The following ZNF814 variants were observed in gnomAD, a reference collection of about 807,000 sequenced individuals.
ZNF814 encodes zinc finger protein 814.
Under a neutral mutation model 7.5 loss-of-function variants are expected in ZNF814, and 5 were observed. The ratio of observed to expected loss-of-function variants is 0.67; its 90% confidence interval spans 0.35 to 1.40. The LOEUF (loss-of-function observed/expected upper bound fraction) is 1.40. ZNF814 is among the 40% of genes most tolerant of loss of function. The pLI is 0.04. For synonymous variants in ZNF814, 315 were observed against 340.7 expected (o/e 0.92, Z 0.83); for missense variants, 962 against 1,018.0 (o/e 0.94, Z 0.75).
At position 57,873,199 on chromosome 19, in the gene ZNF814, G is replaced by A; in HGVS notation, c.2191C>T (p.Leu731Phe). The A allele has an allele frequency of 6.2e-7, 1 of 1,612,852 alleles. No individual in the cohort carries two copies. ...CQKFFRNKYQ[L>F]IAHQRVHTGE... is the part of the protein sequence containing the mutation. Reference sequence around the variant, plus strand: ...GTGTGAACTCTCTGATGTGCAATGAGTTGGTACTTGTTTCTAAAAAATTTC... The same window carrying A: ...GTGTGAACTCTCTGATGTGCAATGAATTGGTACTTGTTTCTAAAAAATTTC... Residue 731 changes from leucine to phenylalanine, a missense_variant, in exon 3 of 3, where the codon CTC becomes TTC. Physicochemically the swap from Leu to Phe is conservative, Grantham distance 22 (BLOSUM62 0). Transcript: ENST00000435989.
chr19:57,896,006 C>T, the ZNF814 span, among the ~76,000 whole-genome samples: 242 of 152,222 alleles, frequency 1.6e-3, 1 homozygote, highest in Admixed American at 3.9e-3. The surrounding 1 kb of genome is among the most constrained non-coding windows in gnomAD (Gnocchi z 4.2). Context: ...TCAGGAATAA[C>T]GCTCAAAATT....
intron 1 of ZNF814, among the ~76,000 whole-genome samples, chr19:57,880,809 G>A (rs965797890): frequency 2.7e-5 from 4 of 147,794 alleles, no homozygotes; most frequent in Admixed American, 6.7e-5. Context: ...GTAGAGACAC[G>A]GTTTTGCCAT....
At position 57,888,785 on chromosome 19, in the gene ZNF814, C is replaced by G. The variant is rs747142038; in HGVS notation, c.18G>C (p.Thr6=). The stretch of plus-strand genomic sequence containing the variant: ...CAATTACCTGAGCGGAGAGCCTCAG[C>G]GTAGCCGCGGCAGCCATCGAACCAC... MAAAA[T]LRLSAQGTVT... is the part of the protein sequence containing the mutation. Residue 6 remains threonine, a synonymous_variant, in exon 1 of 3, where the codon ACG becomes ACC. Transcript: ENST00000435989. The G allele has an allele frequency of 2.4e-5, 38 of 1,552,130 alleles. No homozygotes were observed. Among genetic ancestry groups the G allele is most frequent in the Non-Finnish European group, 3.3e-5 (38 of 1,147,358 alleles).
At chr19:57,894,545 G>C in the ZNF814 span, among the ~76,000 whole-genome samples, 1 of 151,688 alleles carries the variant, frequency 6.6e-6, no homozygotes, top group Non-Finnish European at 1.5e-5. Flanking sequence ...AAAAAGCATA[G>C]CCGGCTGGGT....
chr19:57,884,324 G>A (rs1401946314), intron 1 of ZNF814, among the ~76,000 whole-genome samples: 2 of 152,152 alleles, frequency 1.3e-5, no homozygotes, highest in East Asian at 1.9e-4. Context: ...CTCAAAAGAA[G>A]ACATACAGTC....
rs1600134057 is a variant in ZNF814, at chr19:57,872,375, T to C, written c.*447A>G. 1 of 206,494 alleles carries C rather than the reference T, an allele frequency of 4.8e-6. No homozygotes were observed. The highest frequency in any genetic ancestry group is 1.2e-4 in the East Asian group (1 of 8,548). 12.8% of individuals were successfully genotyped at this position (206,494 alleles called of 1,614,324 possible). Reference sequence around the variant, plus strand: ...GCAGTGGGAAGTCTCCTGTGTGTTATGAAGCTAGATTTCTACATAAATATC... The same window carrying C: ...GCAGTGGGAAGTCTCCTGTGTGTTACGAAGCTAGATTTCTACATAAATATC... On this transcript the variant is annotated 3_prime_UTR_variant, in exon 3 of 3. Transcript: ENST00000435989.
the ZNF814 span, among the ~76,000 whole-genome samples, chr19:57,894,112 T>G: frequency 2.8e-5 from 4 of 143,554 alleles, no homozygotes; most frequent in African/African-American, 7.9e-5. Context: ...GTGCAGTGGC[T>G]CATGCCTGTA....
Position 57,869,421 on chromosome 19 carries a change from T to A in ZNF814, c.*3401A>T, listed in dbSNP as rs955927382. On this transcript the variant is annotated 3_prime_UTR_variant, in exon 3 of 3. Coordinates refer to ENST00000435989, the MANE Select transcript of ZNF814 (RefSeq NM_001144989.2). The stretch of plus-strand genomic sequence containing the variant: ...CTTTATTACATCACTCATCTAACAT[T>A]CCAGAAAATGGAAAGTACTCTACTG... The A allele has an allele frequency of 6.6e-6, 1 of 151,796 alleles. No homozygotes were observed. Among genetic ancestry groups the A allele is most frequent in the South Asian group, 2.1e-4 (1 of 4,814 alleles). 9.4% of individuals were successfully genotyped at this position (151,796 alleles called of 1,614,324 possible).
the ZNF814 span, among the ~76,000 whole-genome samples, chr19:57,899,313 G>A: frequency 2.6e-5 from 4 of 152,170 alleles, no homozygotes; most frequent in Non-Finnish European, 5.9e-5. Flanking sequence ...GATATTTTAT[G>A]TGCAGCTGAC....
intron 2 of ZNF814, chr19:57,876,590 A>G (rs1270564180): frequency 4.7e-6 from 2 of 423,114 alleles, no homozygotes; most frequent in Admixed American, 7.9e-5. Context: ...GGCATAAGAA[A>G]ATAGCAGCTA....
At position 57,873,728 on chromosome 19, in the gene ZNF814, CCCACACTCT is replaced by C. The variant is rs759865549; in HGVS notation, c.1653_1661del (p.Glu552_Gly554del). The C allele has an allele frequency of 1.9e-6, 3 of 1,613,346 alleles. No individual in the cohort carries two copies. Among genetic ancestry groups the C allele is most frequent in the African/African-American group, 1.3e-5 (1 of 74,958 alleles). On this transcript the variant is annotated inframe_deletion, in exon 3 of 3. Coordinates refer to ENST00000435989, the MANE Select transcript of ZNF814 (RefSeq NM_001144989.2). ...GGGTGCCTTTATGACTAAAAGATTT[CCCACACTCT>C]CCACACTCATAAAGTCTGTCCCCAG...
intron 1 of ZNF814, among the ~76,000 whole-genome samples, 193 bp from the exon 2 acceptor site, chr19:57,877,235 C>G (rs928926137): frequency 1.3e-5 from 2 of 152,052 alleles, no homozygotes; most frequent in African/African-American, 4.8e-5. Flanking sequence ...GTGGTTGTGA[C>G]GTAAGAGTCC....
the ZNF814 span, among the ~76,000 whole-genome samples, chr19:57,901,033 A>G: frequency 6.7e-6 from 1 of 149,738 alleles, no homozygotes; most frequent in Non-Finnish European, 1.5e-5. Flanking sequence ...TATTTTTAGT[A>G]GAGACGGGGT....
the ZNF814 span, among the ~76,000 whole-genome samples, chr19:57,904,773 G>A: frequency 2.0e-5 from 3 of 152,266 alleles, no homozygotes; most frequent in East Asian, 3.9e-4. Flanking sequence ...AGGCATCGCC[G>A]GGAGTGGTGG....
At chr19:57,903,462 G>A in the ZNF814 span, among the ~76,000 whole-genome samples, 2 of 152,136 alleles carry the variant, frequency 1.3e-5, no homozygotes, top group Non-Finnish European at 2.9e-5. Context: ...CAATGTGACT[G>A]GAATACATCC....
In ZNF814 at chr19:57,883,631, A is replaced by G. The variant is rs2071666462; in HGVS notation, c.36+5136T>C. Among the ~76,000 whole-genome samples, 3 of 149,848 alleles carry G rather than the reference A, an allele frequency of 2.0e-5. No individual in the cohort carries two copies. The South Asian group carries it at 6.4e-4, about 32-fold the overall frequency. ...AGCTGAGATCGCACCACTGCACTGC[A>G]GCCTGGGTGACAGAGAGAGACCCTG... On this transcript the variant is annotated intron_variant, in intron 1 of 2. Coordinates refer to ENST00000435989, the MANE Select transcript of ZNF814 (RefSeq NM_001144989.2).
intron 1 of ZNF814, among the ~76,000 whole-genome samples, chr19:57,884,907 T>C (rs150471945): frequency 3.9e-5 from 6 of 152,256 alleles, no homozygotes; most frequent in African/African-American, 1.2e-4. Flanking sequence ...CACTGCTGGG[T>C]ATAAACCAAA....
chr19:57,896,173 C>CAAAA, the ZNF814 span, among the ~76,000 whole-genome samples: 9 of 69,262 alleles, frequency 1.3e-4, no homozygotes, highest in African/African-American at 2.9e-4. The surrounding 1 kb of genome is among the most constrained non-coding windows in gnomAD (Gnocchi z 4.2). Flanking sequence ...GACTCCATCT[C>CAAAA]AAAAAAAAAA....
At chr19:57,875,648 G>T (rs1020030277) in intron 2 of ZNF814, among the ~76,000 whole-genome samples, 7 of 152,200 alleles carry the variant, frequency 4.6e-5, no homozygotes, top group African/African-American at 1.7e-4. Context: ...GCCAACACTG[G>T]AGAGAACACT....
Sources: gnomAD v4.1 joint callset for allele counts (sites outside exome capture counted in the v4.1 genomes callset) on GRCh38, gnomAD v4.1.1 for gene constraint, Gnocchi (gnomAD v3.1) non-coding constraint, MANE v1.5 for transcripts, NCBI Gene and HGNC (gene_info 2026-07-23, HGNC 2026-07-21) for gene names.